JMJD1C: variants seen among roughly 807,000 people sequenced by gnomAD.
JMJD1C encodes jumonji domain-containing protein 1C.
A neutral mutation model predicts 245.3 loss-of-function variants in JMJD1C; 31 were observed. The observed-to-expected ratio is 0.13, with a 90% CI of 0.09 to 0.17. JMJD1C has a LOEUF of 0.17. JMJD1C is among the 10% of genes least tolerant of loss of function. The pLI is 1.00. For synonymous variants in JMJD1C, 1,057 were observed against 1,017.4 expected (o/e 1.04, Z -0.74); for missense variants, 2,691 against 3,000.2 (o/e 0.90, Z 2.41).
At chr10:63,469,855 T>C (rs1953434903), upstream of JMJD1C, among the ~76,000 whole-genome samples, 1 of 152,176 alleles carries the variant, frequency 6.6e-6, no homozygotes, top group Non-Finnish European at 1.5e-5. Flanking sequence ...AACTGAATTA[T>C]GCAAGTGGAA....
chr10:63,274,356 C>G (rs142673256), intron 2 of JMJD1C, among the ~76,000 whole-genome samples: 1 of 152,066 alleles, frequency 6.6e-6, no homozygotes, highest in African/African-American at 2.4e-5. Context: ...CTTGAGCCCA[C>G]GAGTTTAGAT....
intron 3 of JMJD1C, 118 bp from the exon 4 acceptor site, chr10:63,220,101 A>G: frequency 1.6e-6 from 1 of 614,522 alleles, no homozygotes; most frequent in South Asian, 3.0e-5. Flanking sequence ...AAATGTATGC[A>G]AAAACACAAA....
At chr10:63,201,603 TTGTC>T (rs1846013462) in intron 10 of JMJD1C, among the ~76,000 whole-genome samples, 1 of 152,152 alleles carries the variant, frequency 6.6e-6, no homozygotes, top group African/African-American at 2.4e-5. Context: ...AAATTAAATG[TTGTC>T]TATTAAAATT....
intron 2 of JMJD1C, among the ~76,000 whole-genome samples, chr10:63,376,590 G>T (rs1402731938): frequency 6.6e-6 from 1 of 151,908 alleles, no homozygotes; most frequent in Non-Finnish European, 1.5e-5. Context: ...AAAAACAAAT[G>T]ATCCAATTCA....
intron 2 of JMJD1C, among the ~76,000 whole-genome samples, chr10:63,305,415 C>T (rs1265552875): frequency 6.7e-6 from 1 of 149,442 alleles, no homozygotes; most frequent in East Asian, 2.0e-4. Context: ...CTAATTGTAC[C>T]ACTACTACAC....
intron 1 of JMJD1C, among the ~76,000 whole-genome samples, chr10:63,462,529 T>C (rs1049956453): frequency 4.6e-5 from 7 of 152,220 alleles, no homozygotes; most frequent in African/African-American, 1.7e-4. Flanking sequence ...CAAGGAATTA[T>C]GGTTGTTAAT....
At chr10:63,200,041 C>A (rs1264979078) in intron 11 of JMJD1C, among the ~76,000 whole-genome samples, 1 of 152,164 alleles carries the variant, frequency 6.6e-6, no homozygotes, top group Non-Finnish European at 1.5e-5. Flanking sequence ...GAATTCACAA[C>A]TAGAAATGAC....
Position 63,280,155 on chromosome 10 carries a change from T to TA in JMJD1C, c.334-15392dup, listed in dbSNP as rs1352502820. Among the ~76,000 whole-genome samples the TA allele has an allele frequency of 5.3e-5, 8 of 151,490 alleles. No homozygotes were observed. The South Asian group carries it at 6.2e-4, about 12-fold the overall frequency. Reference sequence around the variant, plus strand: ...GACAGGGCGAGACTTCATATCAATTTAAAAAAAAATTACAGAATAATAAGA... The same window carrying TA: ...GACAGGGCGAGACTTCATATCAATTTAAAAAAAAAATTACAGAATAATAAGA... On this transcript the variant is annotated intron_variant, in intron 2 of 25. Transcript: ENST00000399262.
At chr10:63,492,117 T>G (rs1307959853) in intron 1 of JMJD1C, among the ~76,000 whole-genome samples, 1 of 152,200 alleles carries the variant, frequency 6.6e-6, no homozygotes, top group Non-Finnish European at 1.5e-5. Context: ...CTCTGCACCC[T>G]CGACCTCCTG....
intron 3 of JMJD1C, among the ~76,000 whole-genome samples, chr10:63,260,113 A>G (rs150217378): frequency 0.013 from 2,021 of 152,298 alleles, 30 homozygotes; most frequent in African/African-American, 0.034. Context: ...AAAACACCTC[A>G]TTACTACAAT....
chr10:63,309,390 A>G (rs983741741), intron 2 of JMJD1C, among the ~76,000 whole-genome samples: 3 of 143,000 alleles, frequency 2.1e-5, no homozygotes, highest in African/African-American at 7.7e-5. Flanking sequence ...GGTACTCAGG[A>G]GGCTGAGGCA....
At chr10:63,433,586 C>CT (rs539696706) in intron 1 of JMJD1C, among the ~76,000 whole-genome samples, 6,390 of 86,796 alleles carry the variant, frequency 0.074, 229 homozygotes, top group Middle Eastern at 0.16. Context: ...CTTTTCTTTT[C>CT]TTTTTTTTTT....
chr10:63,328,000 C>T (rs943515993), intron 2 of JMJD1C, among the ~76,000 whole-genome samples: 26 of 152,096 alleles, frequency 1.7e-4, no homozygotes, highest in African/African-American at 3.8e-4. Flanking sequence ...TAAGGCTAGG[C>T]GCAGTGGCTC....
chr10:63,290,769 G>A (rs1018861427), intron 2 of JMJD1C, among the ~76,000 whole-genome samples: 1 of 151,996 alleles, frequency 6.6e-6, no homozygotes, highest in Non-Finnish European at 1.5e-5. Context: ...ATAAGTTCAT[G>A]ATATTCAGGA....
chr10:63,341,052 G>T (rs1319201549), intron 2 of JMJD1C, among the ~76,000 whole-genome samples: 1 of 152,188 alleles, frequency 6.6e-6, no homozygotes, highest in Non-Finnish European at 1.5e-5. Flanking sequence ...TTTCAACTGT[G>T]TATTAAAAGA....
chr10:63,353,989 C>T (rs1269752441), intron 2 of JMJD1C, among the ~76,000 whole-genome samples: 2 of 152,092 alleles, frequency 1.3e-5, no homozygotes, highest in African/African-American at 2.4e-5. Flanking sequence ...TACAGGCACA[C>T]ACCACCACAC....
chr10:63,397,465 G>T (rs560488211), intron 1 of JMJD1C, among the ~76,000 whole-genome samples: 2 of 151,908 alleles, frequency 1.3e-5, no homozygotes, highest in African/African-American at 2.4e-5. Context: ...TGTCTGCCTC[G>T]GCCTCCCAAA....
At chr10:63,213,245 T>C (rs1297821927) in intron 8 of JMJD1C, among the ~76,000 whole-genome samples, 2 of 151,564 alleles carry the variant, frequency 1.3e-5, no homozygotes, top group East Asian at 3.9e-4. Context: ...TAAATAAATA[T>C]TACAATCTAA....
intron 2 of JMJD1C, among the ~76,000 whole-genome samples, chr10:63,343,907 G>A (rs1462973543): frequency 2.0e-5 from 3 of 151,798 alleles, no homozygotes; most frequent in Non-Finnish European, 2.9e-5. Flanking sequence ...GTGTGGTGGT[G>A]TGTGCCTGTA....
Sources: gnomAD v4.1 joint callset for allele counts (sites outside exome capture counted in the v4.1 genomes callset) on GRCh38, gnomAD v4.1.1 for gene constraint, MANE v1.5 for transcripts, NCBI Gene and HGNC (gene_info 2026-07-23, HGNC 2026-07-21) for gene names.